CLDN20: variants seen among roughly 807,000 people sequenced by gnomAD.
CLDN20 encodes claudin-20.
For missense variants in CLDN20, 258 were observed against 267.9 expected (o/e 0.96, Z 0.26); for synonymous variants, 104 against 103.6 (o/e 1.00, Z -0.03).
In CLDN20 at chr6:155,275,772, T is replaced by C; in HGVS notation, c.53T>C (p.Val18Ala). 1 of 1,613,992 alleles carries C rather than the reference T, an allele frequency of 6.2e-7. No homozygotes were observed. The highest frequency in any genetic ancestry group is 1.1e-5 in the South Asian group (1 of 91,064). ...LLAFILALSG[V>A]SGVLTATLLP... is the part of the protein sequence containing the mutation. ...GCTTTCATCCTGGCCTTATCTGGGG[T>C]CTCTGGAGTGCTCACAGCCACTCTG... The change falls in exon 2 of 2, where the codon GTC becomes GCC. Residue 18 changes from valine to alanine, a missense_variant. Coordinates refer to ENST00000367165, the MANE Select transcript of CLDN20 (RefSeq NM_001001346.3).
chr6:155,269,079 A>C (rs1784802810), intron 1 of CLDN20, among the ~76,000 whole-genome samples: 1 of 151,376 alleles, frequency 6.6e-6, no homozygotes, highest in South Asian at 2.1e-4. Context: ...ACTGAGAAGT[A>C]AATGCTGATA....
rs1784704550 is a variant in CLDN20 at position 155,267,360 on chromosome 6, T to C, written c.-105+3072T>C. ...AGTAAACCTAAAATATAGAGACAAA[T>C]CTCCAAATTCAATGTTTTATTTGGG... On this transcript the variant is annotated intron_variant, in intron 1 of 1. Transcript: ENST00000367165. Among the ~76,000 whole-genome samples the C allele has an allele frequency of 1.3e-5, 2 of 152,180 alleles. 1 individual carries two copies. Among genetic ancestry groups the C allele is most frequent in the South Asian group, 4.1e-4 (2 of 4,830 alleles).
In CLDN20 at chr6:155,264,794, T is replaced by C. The variant is rs1049893446; in HGVS notation, c.-105+506T>C. 1.2e-4 allele frequency among the ~76,000 whole-genome samples: 19 copies of C among 152,082 alleles called. 1 individual carries two copies. Among genetic ancestry groups the C allele is most frequent in the Non-Finnish European group, 4.4e-5 (3 of 68,012 alleles). ...AGACTAAGAAATGTGGTGAGGGGGA[T>C]GAAGAGTTTTTTTACTGTGTAAATT... On this transcript the variant is annotated intron_variant, in intron 1 of 1. Coordinates refer to ENST00000367165, the MANE Select transcript of CLDN20 (RefSeq NM_001001346.3).
intron 1 of CLDN20, among the ~76,000 whole-genome samples, chr6:155,265,809 T>C (rs1275905173): frequency 2.7e-5 from 4 of 149,350 alleles, no homozygotes; most frequent in African/African-American, 9.8e-5. Flanking sequence ...GAAGAGTTTA[T>C]TAAGTATTAA....
At chr6:155,268,166 C>T (rs1441392153) in intron 1 of CLDN20, among the ~76,000 whole-genome samples, 1 of 152,158 alleles carries the variant, frequency 6.6e-6, no homozygotes, top group African/African-American at 2.4e-5. Flanking sequence ...CATTTAATCG[C>T]TCCCATTACC....
chr6:155,274,059 G>A (rs1785059585), intron 1 of CLDN20, among the ~76,000 whole-genome samples: 1 of 152,162 alleles, frequency 6.6e-6, no homozygotes, highest in Non-Finnish European at 1.5e-5. Flanking sequence ...TTAACCCTAT[G>A]AACGAAGTAT....
chr6:155,266,874 A>T (rs1275413613), intron 1 of CLDN20, among the ~76,000 whole-genome samples: 3 of 142,822 alleles, frequency 2.1e-5, no homozygotes, highest in African/African-American at 7.8e-5. Context: ...AAAAAAAAAG[A>T]ATGACCAAAT....
intron 1 of CLDN20, among the ~76,000 whole-genome samples, chr6:155,268,598 C>T (rs1231885453): frequency 1.3e-5 from 2 of 152,164 alleles, no homozygotes; most frequent in East Asian, 1.9e-4. Context: ...CTAAGGGAAG[C>T]TAAAGTAATT....
intron 1 of CLDN20, among the ~76,000 whole-genome samples, chr6:155,268,567 A>G (rs1784766710): frequency 6.6e-6 from 1 of 152,282 alleles, no homozygotes; most frequent in African/African-American, 2.4e-5. Flanking sequence ...CCAGATTAAC[A>G]TCACTAAGCA....
At chr6:155,274,939 C>T (rs73008655) in intron 1 of CLDN20, among the ~76,000 whole-genome samples, 4,858 of 152,208 alleles carry the variant, frequency 0.032, 124 homozygotes, top group Middle Eastern at 0.055. Context: ...ATCATTTGGG[C>T]GAGGCGTGGT....
chr6:155,269,512 A>C (rs1488376081), intron 1 of CLDN20, among the ~76,000 whole-genome samples: 1 of 151,716 alleles, frequency 6.6e-6, no homozygotes, highest in African/African-American at 2.4e-5. Context: ...AGTAGAGGCA[A>C]GGTTTCACCA....
rs1362991602 is a variant in CLDN20, at chr6:155,264,050, G to A, written c.-343G>A. The A allele has an allele frequency of 6.6e-6, 1 of 152,228 alleles. No homozygotes were observed. Among genetic ancestry groups the A allele is most frequent in the East Asian group, 1.9e-4 (1 of 5,192 alleles). 9.4% of individuals were successfully genotyped at this position (152,228 alleles called of 1,614,324 possible). On this transcript the variant is annotated 5_prime_UTR_variant, in exon 1 of 2. An upstream open reading frame in the 5' UTR gains an earlier in-frame stop. Coordinates refer to ENST00000367165, the MANE Select transcript of CLDN20 (RefSeq NM_001001346.3). Reference sequence around the variant, plus strand: ...GGGATGATCACGGGCAGACCTGGGTGGTTGGGAACAGGAAGCATATGGCAT... The same window carrying A: ...GGGATGATCACGGGCAGACCTGGGTAGTTGGGAACAGGAAGCATATGGCAT...
chr6:155,264,485 C>T (rs946438835), intron 1 of CLDN20, among the ~76,000 whole-genome samples, 197 bp downstream of exon 1: 4 of 152,192 alleles, frequency 2.6e-5, no homozygotes, highest in African/African-American at 9.7e-5. Context: ...AAGCTGACAG[C>T]ATTCTAAGTA....
chr6:155,269,158 T>C (rs914664358), intron 1 of CLDN20, among the ~76,000 whole-genome samples: 2 of 151,860 alleles, frequency 1.3e-5, no homozygotes, highest in African/African-American at 4.8e-5. Flanking sequence ...GAGGTAGGAC[T>C]TACAAATATG....
chr6:155,275,636 A>T lies in CLDN20; in HGVS notation c.-84A>T. ...CTTAGGCTTTGTTATTTGGTTCTCTACTGCACAGAAATAGATAGAATTCTG... is the reference window on the plus strand; with the variant it reads ...CTTAGGCTTTGTTATTTGGTTCTCTTCTGCACAGAAATAGATAGAATTCTG... On this transcript the variant is annotated 5_prime_UTR_variant, in exon 2 of 2. Transcript: ENST00000367165. 7.5e-7 allele frequency: 1 copy of T among 1,342,034 alleles called. No homozygotes were observed. The highest frequency in any genetic ancestry group is 1.0e-6 in the Non-Finnish European group (1 of 968,056). The allele number at this position is 1,342,034 out of a possible 1,614,324, so 83.1% of individuals were successfully genotyped here.
At position 155,276,275 on chromosome 6, in the gene CLDN20, A is replaced by G. The variant is rs372674683; in HGVS notation, c.556A>G (p.Ile186Val). 1.2e-6 allele frequency: 2 copies of G among 1,614,036 alleles called. No homozygotes were observed. The highest frequency in any genetic ancestry group is 1.3e-5 in the African/African-American group (1 of 74,910). The change falls in exon 2 of 2, where the codon ATA becomes GTA. Residue 186 changes from isoleucine to valine, a missense_variant. Coordinates refer to ENST00000367165, the MANE Select transcript of CLDN20 (RefSeq NM_001001346.3). ...TGGCATGATTTTCTGCACCTCCTGT[A>G]TAAAAAGGAATCCAGAAGCTAGACT... ...ISGMIFCTSC[I>V]KRNPEARLDP... is the part of the protein sequence containing the mutation.
Position 155,276,442 on chromosome 6 carries a change from A to G in CLDN20, c.*63A>G. 1.4e-6 allele frequency: 2 copies of G among 1,408,200 alleles called. No homozygotes were observed. The highest frequency in any genetic ancestry group is 1.9e-6 in the Non-Finnish European group (2 of 1,033,726). 87.2% of individuals were successfully genotyped at this position (1,408,200 alleles called of 1,614,324 possible). The stretch of plus-strand genomic sequence containing the variant: ...GCCAAATGGGACTTTTAGATTAAAA[A>G]AAAATCAGAATTATGCTTAACTTTC... On this transcript the variant is annotated 3_prime_UTR_variant, in exon 2 of 2. Transcript: ENST00000367165.
At position 155,275,859 on chromosome 6, in the gene CLDN20, T is replaced by C. The variant is rs1785173553; in HGVS notation, c.140T>C (p.Leu47Pro). 3 of 1,614,044 alleles carry C rather than the reference T, an allele frequency of 1.9e-6. No individual in the cohort carries two copies. The South Asian group carries it at 3.3e-5, about 18-fold the overall frequency. The change falls in exon 2 of 2, where the codon CTG (leucine) becomes CCG (proline). Residue 47 changes from leucine to proline, a missense_variant. Leu to Pro is a moderately conservative substitution (Grantham distance 98). Transcript: ENST00000367165. ...AACATCATAACAGCCATTGTACAGC[T>C]GCACGGGCTCTGGATGGACTGTACG... ...DSNIITAIVQ[L>P]HGLWMDCTWY...
At chr6:155,268,985 TTA>T (rs1784796492) in intron 1 of CLDN20, among the ~76,000 whole-genome samples, 1 of 71,538 alleles carries the variant, frequency 1.4e-5, no homozygotes. Flanking sequence ...AATTAAAAAA[TTA>T]AAAAAAAAAA....
Sources: allele counts gnomAD v4.1 joint callset (sites outside exome capture counted in the v4.1 genomes callset), GRCh38; gene constraint gnomAD v4.1.1; transcripts MANE v1.5; gene names NCBI Gene and HGNC (gene_info 2026-07-23, HGNC 2026-07-21).